Variants in ADGRB3 observed in about 807,000 individuals in gnomAD.
ADGRB3 encodes the protein adhesion G protein-coupled receptor B3, also known as brain-specific angiogenesis inhibitor 3.
In ADGRB3, 37 loss-of-function variants were observed where a neutral mutation model predicts 193.4. The observed-to-expected ratio is 0.19, with a 90% confidence interval of 0.15 to 0.25. The LOEUF is 0.25. Among genes scored for constraint, ADGRB3 ranks in the 10% least tolerant of loss-of-function variants. ADGRB3 has a pLI of 1.00. For synonymous variants in ADGRB3, 690 were observed against 644.2 expected, an observed-to-expected ratio of 1.07 and a Z score of -1.08; for missense variants, 1,637 against 1,852.9, an observed-to-expected ratio of 0.88 and a Z score of 2.14.
At chr6:69,169,588 G>T (rs1364370843) in intron 17 of ADGRB3, among the ~76,000 whole-genome samples, 2 of 150,518 alleles carry the variant, frequency 1.3e-5, no homozygotes, top group Admixed American at 1.3e-4. Context: ...TAAATTAAAT[G>T]ATATAATTAA....
At chr6:69,133,926 A>G (rs1199501680) in intron 17 of ADGRB3, among the ~76,000 whole-genome samples, 2 of 152,084 alleles carry the variant, frequency 1.3e-5, no homozygotes, top group Non-Finnish European at 2.9e-5. Flanking sequence ...TATAAGTGAG[A>G]TCATAAGATG....
At chr6:68,896,354 A>G (rs1766218059) in intron 3 of ADGRB3, among the ~76,000 whole-genome samples, 1 of 152,152 alleles carries the variant, frequency 6.6e-6, no homozygotes, top group Admixed American at 6.6e-5. Context: ...ATTGTCAGGA[A>G]GGGATGCAAA....
At chr6:68,852,529 T>C (rs1349061404) in intron 3 of ADGRB3, among the ~76,000 whole-genome samples, 1 of 151,980 alleles carries the variant, frequency 6.6e-6, no homozygotes, top group Non-Finnish European at 1.5e-5. Context: ...GCTGAAAAGC[T>C]CATAGAGGCC....
At chr6:69,160,651 G>T (rs1411962672) in intron 17 of ADGRB3, among the ~76,000 whole-genome samples, 1 of 151,950 alleles carries the variant, frequency 6.6e-6, no homozygotes, top group East Asian at 1.9e-4. Context: ...TCCCCAGCTA[G>T]AATGTAAGCA....
chr6:69,329,793 C>T (rs1356568850), intron 22 of ADGRB3, among the ~76,000 whole-genome samples: 1 of 152,210 alleles, frequency 6.6e-6, no homozygotes, highest in African/African-American at 2.4e-5. Context: ...CATCCAGTGT[C>T]AGCCCCATTC....
chr6:68,809,267 A>G (rs1309592441), intron 3 of ADGRB3, among the ~76,000 whole-genome samples: 2 of 152,154 alleles, frequency 1.3e-5, no homozygotes, highest in Non-Finnish European at 2.9e-5. Context: ...TTTTTTTCAG[A>G]GATAATGTGA....
At chr6:69,212,534 A>C (rs951197398) in intron 17 of ADGRB3, among the ~76,000 whole-genome samples, 1 of 149,812 alleles carries the variant, frequency 6.7e-6, no homozygotes, top group African/African-American at 2.5e-5. Context: ...AGAAAAAAAA[A>C]ATAAAGGATC....
intron 29 of ADGRB3, among the ~76,000 whole-genome samples, chr6:69,372,002 A>C (rs1023521117): frequency 6.6e-6 from 1 of 152,104 alleles, no homozygotes; most frequent in Non-Finnish European, 1.5e-5. Context: ...CGAGGTAACT[A>C]GACAGTTTTT....
At chr6:69,060,972 A>G (rs1459849822) in intron 15 of ADGRB3, among the ~76,000 whole-genome samples, 1 of 151,958 alleles carries the variant, frequency 6.6e-6, no homozygotes, top group Non-Finnish European at 1.5e-5. Flanking sequence ...ACAGAAAAAC[A>G]TGGAAGAATA....
chr6:69,317,235 C>T (rs374767574), intron 20 of ADGRB3, among the ~76,000 whole-genome samples: 190 of 151,554 alleles, frequency 1.3e-3, no homozygotes, highest in African/African-American at 4.0e-3. Flanking sequence ...GTACGTACAT[C>T]AAAGATGAAC....
At chr6:68,646,822 A>C (rs190153915) in intron 3 of ADGRB3, among the ~76,000 whole-genome samples, 1 of 152,212 alleles carries the variant, frequency 6.6e-6, no homozygotes, top group Admixed American at 6.5e-5. Context: ...TGTTGTGGAG[A>C]GGAAGGGTTG....
chr6:68,642,530 G>A (rs1375938191), intron 3 of ADGRB3, among the ~76,000 whole-genome samples: 1 of 152,056 alleles, frequency 6.6e-6, no homozygotes, highest in Non-Finnish European at 1.5e-5. Context: ...AATTACAGAT[G>A]TTATCTTGAA....
chr6:69,070,734 C>A (rs543937530), intron 16 of ADGRB3, among the ~76,000 whole-genome samples: 1 of 152,094 alleles, frequency 6.6e-6, no homozygotes, highest in Non-Finnish European at 1.5e-5. Context: ...GTATGCATCC[C>A]AGTTTATTCT....
At chr6:68,915,907 G>T (rs531779268) in intron 3 of ADGRB3, among the ~76,000 whole-genome samples, 1 of 152,146 alleles carries the variant, frequency 6.6e-6, no homozygotes, top group Non-Finnish European at 1.5e-5. Flanking sequence ...GACTTTTACA[G>T]TCAGGCATTA....
chr6:69,339,660 C>G (rs1215631439), intron 26 of ADGRB3, among the ~76,000 whole-genome samples, 156 bp downstream of exon 26: 1 of 152,156 alleles, frequency 6.6e-6, no homozygotes, highest in Non-Finnish European at 1.5e-5. Context: ...CTTTAAGACA[C>G]AGCTTGGGAG....
At chr6:68,950,033 C>T (rs1325532686) in intron 6 of ADGRB3, among the ~76,000 whole-genome samples, 1 of 151,912 alleles carries the variant, frequency 6.6e-6, no homozygotes, top group Non-Finnish European at 1.5e-5. Context: ...TTTTGCTTCT[C>T]AACATATGCC....
chr6:68,728,098 T>G (rs1244058980), intron 3 of ADGRB3, among the ~76,000 whole-genome samples: 4 of 151,556 alleles, frequency 2.6e-5, no homozygotes, highest in Non-Finnish European at 5.9e-5. Context: ...TAAGTTTCAC[T>G]CAAATTGACA....
chr6:69,075,367 T>C (rs1393946684), intron 16 of ADGRB3, among the ~76,000 whole-genome samples: 1 of 152,304 alleles, frequency 6.6e-6, no homozygotes, highest in East Asian at 1.9e-4. Flanking sequence ...GAAAAATCCA[T>C]GGTGTTATCT....
chr6:68,867,016 A>G (rs552205434), intron 3 of ADGRB3, among the ~76,000 whole-genome samples: 1 of 152,350 alleles, frequency 6.6e-6, no homozygotes, highest in African/African-American at 2.4e-5. Flanking sequence ...TGTGGTAGAA[A>G]AGAAAAACCT....
Sources: gnomAD v4.1 joint callset for allele counts (sites outside exome capture counted in the v4.1 genomes callset) on GRCh38, gnomAD v4.1.1 for gene constraint, MANE v1.5 for transcripts, NCBI Gene and HGNC (gene_info 2026-07-23, HGNC 2026-07-21) for gene names.